The following CDH22 variants were observed in gnomAD, a reference collection of about 807,000 sequenced individuals.
CDH22 encodes cadherin-22.
CDH22 carries 30 observed loss-of-function variants against 58.4 expected under a neutral mutation model. The observed-to-expected ratio is 0.51, with a 90% CI of 0.38 to 0.70. The LOEUF is 0.70. Among genes scored for constraint, CDH22 ranks in the 30% least tolerant of loss-of-function variants. CDH22 has a pLI of 0.00. For missense variants in CDH22, 1,014 were observed against 1,233.9 expected (o/e 0.82, Z 2.67); for synonymous variants, 513 against 558.2 (o/e 0.92, Z 1.14).
intron 1 of CDH22, among the ~76,000 whole-genome samples, chr20:46,285,819 T>C (rs2145772229): frequency 6.6e-6 from 1 of 152,338 alleles, no homozygotes; most frequent in Non-Finnish European, 1.5e-5. Flanking sequence ...AGGTGCTGGG[T>C]ACTCAGTGGT....
intron 7 of CDH22, among the ~76,000 whole-genome samples, chr20:46,205,057 G>A (rs946121680): frequency 6.6e-6 from 1 of 151,830 alleles, no homozygotes; most frequent in East Asian, 1.9e-4. Flanking sequence ...AAACAAAGCA[G>A]CCTGCCTCCT....
chr20:46,230,037 CAGTG>C (rs1197435360), intron 3 of CDH22, among the ~76,000 whole-genome samples: 1 of 152,128 alleles, frequency 6.6e-6, no homozygotes, highest in African/African-American at 2.4e-5. Flanking sequence ...GGTAAAGGGT[CAGTG>C]ATTCACCACT....
chr20:46,191,413 G>A (rs1340573431), intron 8 of CDH22, among the ~76,000 whole-genome samples: 1 of 152,182 alleles, frequency 6.6e-6, no homozygotes, highest in Non-Finnish European at 1.5e-5. Flanking sequence ...ACCAACCTGA[G>A]TGGGCGTGGG....
intron 8 of CDH22, among the ~76,000 whole-genome samples, chr20:46,197,044 C>T (rs552660731): frequency 6.6e-6 from 1 of 152,196 alleles, no homozygotes; most frequent in African/African-American, 2.4e-5. Context: ...TCCCCACAGT[C>T]AGTTACTGGG....
chr20:46,304,300 A>G (rs1030014794), intron 1 of CDH22, among the ~76,000 whole-genome samples: 1 of 152,224 alleles, frequency 6.6e-6, no homozygotes, highest in Non-Finnish European at 1.5e-5. Flanking sequence ...TATGAGCAAT[A>G]ACAATACTGC....
rs114523217 is a variant in CDH22, at chr20:46,301,212, C to T, written c.-400+7043G>A. 5.3e-3 allele frequency among the ~76,000 whole-genome samples: 807 copies of T among 151,924 alleles called. 9 individuals are homozygous for T. The highest frequency in any genetic ancestry group is 0.018 in the African/African-American group (757 of 41,268). ...ATATACATATATATAAATTTACACA[C>T]ACACACATACACACACACACAGAGA... On this transcript the variant is annotated intron_variant, in intron 1 of 11. Coordinates refer to ENST00000537909, the MANE Select transcript of CDH22 (RefSeq NM_021248.3).
chr20:46,202,423 G>A (rs981309965), intron 7 of CDH22, among the ~76,000 whole-genome samples: 6 of 149,968 alleles, frequency 4.0e-5, no homozygotes, highest in Non-Finnish European at 8.9e-5. Context: ...GTGCGATCTC[G>A]GCTCACTGCA....
chr20:46,281,706 T>C (rs551363181), intron 1 of CDH22, among the ~76,000 whole-genome samples: 1 of 152,362 alleles, frequency 6.6e-6, no homozygotes, highest in East Asian at 1.9e-4. Flanking sequence ...TTTTTCTTTT[T>C]TCTTGTTTGT....
At chr20:46,218,507 G>A (rs568182742) in intron 4 of CDH22, among the ~76,000 whole-genome samples, 13 of 152,140 alleles carry the variant, frequency 8.5e-5, no homozygotes, top group East Asian at 3.9e-4. Context: ...ATACACACAT[G>A]CAACGTAGTT....
Position 46,212,197 on chromosome 20 carries a change from A to G in CDH22, c.1032+798T>C, listed in dbSNP as rs6074065. Among the ~76,000 whole-genome samples, 1,488 of 152,336 alleles carry G rather than the reference A, an allele frequency of 9.8e-3. 19 individuals are homozygous for G. Among genetic ancestry groups the G allele is most frequent in the Non-Finnish European group, 0.013 (871 of 68,026 alleles). On this transcript the variant is annotated intron_variant, in intron 6 of 11. Transcript: ENST00000537909. ...AGCTCAGGCTGATAGGCACAGATTT[A>G]AGGAGACAGATGCCGGCTGAATGGG...
rs950879698 is a variant in CDH22 at position 46,302,977 on chromosome 20, G to A, written c.-400+5278C>T. 7.2e-5 allele frequency among the ~76,000 whole-genome samples: 11 copies of A among 152,098 alleles called. No homozygotes were observed. In the East Asian group the frequency reaches 1.2e-3, roughly 16 times the overall value. On this transcript the variant is annotated intron_variant, in intron 1 of 11. Transcript: ENST00000537909. ...CCTCAGACCCAGACACCAGCAGCCC[G>A]GGACCTGGTCTTCCCCACCCAGCAG... is the stretch of plus-strand genomic sequence containing the variant.
intron 1 of CDH22, among the ~76,000 whole-genome samples, chr20:46,306,277 T>C (rs950782262): frequency 6.6e-6 from 1 of 152,220 alleles, no homozygotes; most frequent in Non-Finnish European, 1.5e-5. Flanking sequence ...TCAAGATGCC[T>C]GGGTTCCTAT....
intron 1 of CDH22, among the ~76,000 whole-genome samples, chr20:46,275,535 C>T (rs1179236879): frequency 1.3e-5 from 2 of 152,204 alleles, no homozygotes; most frequent in African/African-American, 2.4e-5. Flanking sequence ...CACCCTCTCT[C>T]CTCCATAGCA....
In CDH22 at chr20:46,251,426, CGG is replaced by C. The variant is rs1306475405; in HGVS notation, c.-134_-133del. ...GCGGCCGCCGGGATGTCGCCCCCGA[CGG>C]GGCACCCGGACGGGCCCGCGGCCCT... On this transcript the variant is annotated 5_prime_UTR_variant, in exon 2 of 12. An upstream open reading frame in the 5' UTR loses its in-frame stop. Coordinates refer to ENST00000537909, the MANE Select transcript of CDH22 (RefSeq NM_021248.3). This position sits in a 1 kb window ranked among gnomAD's most constrained non-coding sequence, Gnocchi z 6.7. The C allele has an allele frequency of 9.2e-7, 1 of 1,088,258 alleles. No individual in the cohort carries two copies. 67.4% of individuals were successfully genotyped at this position (1,088,258 alleles called of 1,614,324 possible).
chr20:46,212,863 G>C (rs1228328190), intron 6 of CDH22, 132 bp downstream of exon 6: 1 of 692,156 alleles, frequency 1.4e-6, no homozygotes, highest in Admixed American at 2.6e-5. Flanking sequence ...GTTTTTCCAG[G>C]TTGGTCCTGG....
At chr20:46,275,275 C>A (rs1044395280) in intron 1 of CDH22, among the ~76,000 whole-genome samples, 20 of 152,212 alleles carry the variant, frequency 1.3e-4, no homozygotes, top group African/African-American at 4.8e-4. Context: ...GGCAGGCATT[C>A]TCCCACCTGA....
intron 1 of CDH22, among the ~76,000 whole-genome samples, chr20:46,255,846 C>T (rs1203192645): frequency 1.3e-5 from 2 of 152,206 alleles, no homozygotes; most frequent in East Asian, 1.9e-4. Context: ...ATTCAGCTCT[C>T]CTGGGACCGC....
chr20:46,232,114 T>C (rs1287730686), intron 3 of CDH22, among the ~76,000 whole-genome samples: 3 of 152,330 alleles, frequency 2.0e-5, no homozygotes, highest in East Asian at 1.9e-4. Context: ...CTTGGTTTGT[T>C]GTGGAACAAG....
At chr20:46,266,296 G>C (rs1042089409) in intron 1 of CDH22, among the ~76,000 whole-genome samples, 1 of 152,188 alleles carries the variant, frequency 6.6e-6, no homozygotes, top group African/African-American at 2.4e-5. Flanking sequence ...ATGGCTGTCC[G>C]TAGGATGCAC....
Sources: gnomAD v4.1 joint callset for allele counts (sites outside exome capture counted in the v4.1 genomes callset) on GRCh38, gnomAD v4.1.1 for gene constraint, Gnocchi (gnomAD v3.1) non-coding constraint, MANE v1.5 for transcripts, NCBI Gene and HGNC (gene_info 2026-07-23, HGNC 2026-07-21) for gene names.